The following CRK variants were observed in gnomAD, a reference collection of about 807,000 sequenced individuals.
The protein encoded by CRK is adapter molecule crk.
CRK carries 4 observed loss-of-function variants against 29.8 expected under a neutral mutation model. The ratio of observed to expected loss-of-function variants is 0.13; its 90% CI spans 0.07 to 0.31. The LOEUF is 0.31. Among genes scored for constraint, CRK ranks in the 10% least tolerant of loss-of-function variants. The probability of loss-of-function intolerance (pLI) is 1.00; values close to 1 mark genes in which losing one functional copy is unlikely to be tolerated. For missense variants in CRK, 274 were observed against 396.5 expected (o/e 0.69, Z 2.62); for synonymous variants, 153 against 164.9 (o/e 0.93, Z 0.55).
At position 1,436,881 on chromosome 17, in the gene CRK, C is replaced by A; in HGVS notation, c.516G>T (p.Ala172=). The A allele has an allele frequency of 2.5e-6, 4 of 1,613,210 alleles. No homozygotes were observed. The highest frequency in any genetic ancestry group is 2.5e-6 in the Non-Finnish European group (3 of 1,179,442). The change falls in exon 2 of 3, where the codon GCG becomes GCT. Residue 172 remains alanine, a synonymous_variant. Transcript: ENST00000300574. Reference sequence around the variant, plus strand: ...TCCCTCTCTTGCCTTCGCTGTCCTCCGCATTCCACCACTGCTCTTCAGGCT... The same window carrying A: ...TCCCTCTCTTGCCTTCGCTGTCCTCAGCATTCCACCACTGCTCTTCAGGCT... The part of the protein sequence containing the change: ...RDKPEEQWWN[A]EDSEGKRGMI...
chr17:1,441,959 C>G (rs1453095638), intron 1 of CRK, among the ~76,000 whole-genome samples: 1 of 149,916 alleles, frequency 6.7e-6, no homozygotes, highest in Non-Finnish European at 1.5e-5. Flanking sequence ...GGGCTCAAGC[C>G]ATTCTTTCAC....
At position 1,430,405 on chromosome 17, in the gene CRK, G is replaced by A. The variant is rs536414410; in HGVS notation, c.777+6215C>T. On this transcript the variant is annotated intron_variant, in intron 2 of 2. Coordinates refer to ENST00000300574, the MANE Select transcript of CRK (RefSeq NM_016823.4). ...AGAGTCTCGCTCTGTCGCCCAGGCT[G>A]GAGTGCAGTGGCGCGATCTTGGCTC... 4.0e-3 allele frequency among the ~76,000 whole-genome samples: 608 copies of A among 150,466 alleles called. 3 individuals are homozygous for A. The highest frequency in any genetic ancestry group is 6.6e-3 in the Non-Finnish European group (446 of 67,728).
intron 1 of CRK, among the ~76,000 whole-genome samples, chr17:1,447,750 G>C (rs2073986241): frequency 6.6e-6 from 1 of 151,542 alleles, no homozygotes; most frequent in South Asian, 2.1e-4. Context: ...TCGAGTAGCT[G>C]GGATTACAGG....
chr17:1,433,508 G>GATTTTTTTT (rs1568012299), intron 2 of CRK, among the ~76,000 whole-genome samples: 1 of 114,368 alleles, frequency 8.7e-6, no homozygotes. Flanking sequence ...ACCACGCCTG[G>GATTTTTTTT]CTTTTTTTTT....
At chr17:1,429,787 G>C (rs2073820366) in intron 2 of CRK, among the ~76,000 whole-genome samples, 2 of 151,874 alleles carry the variant, frequency 1.3e-5, no homozygotes, top group Non-Finnish European at 2.9e-5. Flanking sequence ...TACAACATTA[G>C]CCAGGTACAG....
intron 2 of CRK, among the ~76,000 whole-genome samples, chr17:1,430,244 ATGTT>A (rs2073826250): frequency 6.6e-6 from 1 of 151,404 alleles, no homozygotes; most frequent in Admixed American, 6.6e-5. Flanking sequence ...GAGTTTCAAA[ATGTT>A]AGTCAGGCTG....
At chr17:1,439,036 G>C (rs945878599) in intron 1 of CRK, among the ~76,000 whole-genome samples, 3 of 151,570 alleles carry the variant, frequency 2.0e-5, no homozygotes, top group African/African-American at 7.3e-5. Flanking sequence ...GTTTCACCAC[G>C]TTGCCCAGAC....
chr17:1,427,189 G>A (rs1429750634), intron 2 of CRK, among the ~76,000 whole-genome samples: 1 of 150,978 alleles, frequency 6.6e-6, no homozygotes, highest in Non-Finnish European at 1.5e-5. Context: ...TACTCAGGAG[G>A]CTGAGGCAGG....
intron 1 of CRK, among the ~76,000 whole-genome samples, chr17:1,442,173 G>C (rs1356180748): frequency 4.6e-5 from 6 of 130,920 alleles, no homozygotes; most frequent in Admixed American, 8.0e-5. Flanking sequence ...TTTTTTTTTT[G>C]AGACAGGGTC....
chr17:1,439,466 C>T (rs1232969247), intron 1 of CRK, among the ~76,000 whole-genome samples: 2 of 152,102 alleles, frequency 1.3e-5, no homozygotes, highest in African/African-American at 4.8e-5. Context: ...AAACAGCAAA[C>T]TATTTTCATT....
At chr17:1,439,173 G>A (rs909309176) in intron 1 of CRK, among the ~76,000 whole-genome samples, 1 of 152,110 alleles carries the variant, frequency 6.6e-6, no homozygotes, top group Non-Finnish European at 1.5e-5. Flanking sequence ...TCGACTCAGT[G>A]CAAGCTTCGC....
chr17:1,443,858 C>T (rs1035030480), intron 1 of CRK, among the ~76,000 whole-genome samples: 5 of 151,548 alleles, frequency 3.3e-5, no homozygotes, highest in Admixed American at 1.3e-4. Context: ...CGCCACCACG[C>T]CCGGCTAATT....
chr17:1,452,007 A>C (rs189871327), intron 1 of CRK, among the ~76,000 whole-genome samples: 63 of 152,036 alleles, frequency 4.1e-4, no homozygotes, highest in Non-Finnish European at 8.7e-4. Context: ...AAAACAAAAA[A>C]CACCAAGTCT....
intron 1 of CRK, among the ~76,000 whole-genome samples, chr17:1,443,510 C>T (rs1203940873): frequency 6.6e-6 from 1 of 152,124 alleles, no homozygotes; most frequent in Non-Finnish European, 1.5e-5. Flanking sequence ...ATTCTCCTGC[C>T]TCAGCCTCCC....
intron 2 of CRK, among the ~76,000 whole-genome samples, chr17:1,435,087 T>G (rs373560120): frequency 1.4e-4 from 22 of 151,974 alleles, no homozygotes; most frequent in African/African-American, 5.1e-4. Context: ...TGAGACAGAG[T>G]CTCACCCTGT....
chr17:1,432,788 A>AG (rs926882940), intron 2 of CRK, among the ~76,000 whole-genome samples: 4 of 151,978 alleles, frequency 2.6e-5, no homozygotes, highest in Non-Finnish European at 4.4e-5. Flanking sequence ...AAAAAAAAAA[A>AG]AAAAGAAAAG....
chr17:1,444,271 C>G (rs1370824824), intron 1 of CRK, among the ~76,000 whole-genome samples: 1 of 151,672 alleles, frequency 6.6e-6, no homozygotes, highest in Non-Finnish European at 1.5e-5. Context: ...GTAGCTGGGA[C>G]CATAGGTGTG....
chr17:1,436,162 A>G (rs1241051869), intron 2 of CRK, among the ~76,000 whole-genome samples: 1 of 152,160 alleles, frequency 6.6e-6, no homozygotes, highest in African/African-American at 2.4e-5. Context: ...AATGAACATT[A>G]GTGGTAAGGA....
chr17:1,448,384 G>T (rs984126417), intron 1 of CRK, among the ~76,000 whole-genome samples: 3 of 152,048 alleles, frequency 2.0e-5, no homozygotes, highest in Non-Finnish European at 4.4e-5. Context: ...CAGTACTTTG[G>T]GTGGCAGAGC....
Sources: allele counts gnomAD v4.1 joint callset (sites outside exome capture counted in the v4.1 genomes callset), GRCh38; gene constraint gnomAD v4.1.1; transcripts MANE v1.5; gene names NCBI Gene and HGNC (gene_info 2026-07-23, HGNC 2026-07-21).